The following NOSTRIN variants were observed in gnomAD, a reference collection of about 807,000 sequenced individuals.
The protein encoded by NOSTRIN is BM247 homolog.
NOSTRIN carries 63 observed loss-of-function variants against 59.0 expected under a neutral mutation model. The ratio of observed to expected loss-of-function variants is 1.07; its 90% confidence interval spans 0.87 to 1.32. NOSTRIN has a LOEUF of 1.32. NOSTRIN is among the 40% of genes most tolerant of loss of function. The pLI, the probability that NOSTRIN is intolerant of heterozygous loss-of-function variation, is 0.00. For synonymous variants in NOSTRIN, 200 were observed against 165.4 expected (o/e 1.21, Z -1.61); for missense variants, 512 against 473.1 (o/e 1.08, Z -0.76).
chr2:168,856,802 C>T, intron 12 of NOSTRIN, 24 bp downstream of exon 12: 1 of 1,601,760 alleles, frequency 6.2e-7, no homozygotes, highest in Non-Finnish European at 8.6e-7. Flanking sequence ...GAGTGCATTT[C>T]CTAGATGTAG....
chr2:168,786,708 C>A (rs1161461277), intron 1 of NOSTRIN: 1 of 152,048 alleles, frequency 6.6e-6, no homozygotes, highest in Non-Finnish European at 1.5e-5. Flanking sequence ...CCAGCTTGGC[C>A]CTCCTCGAAG....
At chr2:168,864,028 A>AGTCT (rs1248501854) in intron 15 of NOSTRIN, among the ~76,000 whole-genome samples, 1 of 151,344 alleles carries the variant, frequency 6.6e-6, no homozygotes, top group Non-Finnish European at 1.5e-5. Flanking sequence ...CTCCTGCCTC[A>AGTCT]GTCTCCCAAG....
intron 7 of NOSTRIN, among the ~76,000 whole-genome samples, chr2:168,840,529 C>CAAAAAAAAAAAAAA (rs59235003): frequency 1.0e-5 from 1 of 99,326 alleles, no homozygotes; most frequent in Non-Finnish European, 2.0e-5. Flanking sequence ...GACTCCATCT[C>CAAAAAAAAAAAAAA]AAAAAAAAAA....
upstream of NOSTRIN, among the ~76,000 whole-genome samples, chr2:168,799,939 A>C (rs962593004): frequency 6.6e-6 from 1 of 152,204 alleles, no homozygotes; most frequent in Non-Finnish European, 1.5e-5. Flanking sequence ...TATGAAGTGG[A>C]AGCTCTCCTC....
chr2:168,864,717 A>G lies in NOSTRIN; in HGVS notation c.1385-117A>G, dbSNP rs1689745103. On this transcript the variant is annotated intron_variant, in intron 15 of 15. Transcript: ENST00000317647. ...ATTTGGCTTCATCTGAATCAAGTGC[A>G]GAAAATGACACTACCAAGTAAATCC... The G allele has an allele frequency of 1.0e-5, 12 of 1,186,378 alleles. No homozygotes were observed. In the South Asian group the frequency reaches 1.8e-4, roughly 17 times the overall value. The allele number at this position is 1,186,378 out of a possible 1,614,324, so 73.5% of individuals were successfully genotyped here. A position where few individuals can be genotyped will look rare whatever the true frequency, so the allele number is the denominator to read the frequency against.
At chr2:168,835,497 G>A (rs1687666989) in intron 7 of NOSTRIN, among the ~76,000 whole-genome samples, 1 of 152,198 alleles carries the variant, frequency 6.6e-6, no homozygotes, top group African/African-American at 2.4e-5. Flanking sequence ...CATCAGCTTG[G>A]ACATTTTGCT....
chr2:168,856,523 C>A lies in NOSTRIN; in HGVS notation c.965-167C>A, dbSNP rs775047793. On this transcript the variant is annotated intron_variant, in intron 11 of 15. Coordinates refer to ENST00000317647, the MANE Select transcript of NOSTRIN (RefSeq NM_001039724.4). ...TTGGGAGGCAGAGGTTGCAGTGAGC[C>A]GAGATCGCGCCACTGCACTCCAGCC... 5.0e-6 allele frequency: 3 copies of A among 597,014 alleles called. No individual in the cohort carries two copies. In the African/African-American group the frequency reaches 5.6e-5, roughly 11 times the overall value. 37.0% of individuals were successfully genotyped at this position (597,014 alleles called of 1,614,324 possible).
At chr2:168,861,517 G>A (rs1350861485) in intron 14 of NOSTRIN, among the ~76,000 whole-genome samples, 1 of 151,626 alleles carries the variant, frequency 6.6e-6, no homozygotes, top group African/African-American at 2.4e-5. Flanking sequence ...GTAAAACCAG[G>A]ACATTATGGT....
intron 15 of NOSTRIN, chr2:168,863,631 T>G: frequency 1.0e-6 from 1 of 983,194 alleles, no homozygotes; most frequent in South Asian, 4.7e-5. Context: ...GAATGGGGAG[T>G]TACATTTTGA....
intron 2 of NOSTRIN, among the ~76,000 whole-genome samples, chr2:168,817,700 G>GC (rs1192266951): frequency 6.6e-6 from 1 of 152,170 alleles, no homozygotes; most frequent in Admixed American, 6.5e-5. Context: ...GCCAGAGTGA[G>GC]CCGGGGCTCA....
intron 15 of NOSTRIN, 140 bp from the exon 16 acceptor site, chr2:168,864,694 T>G: frequency 3.6e-6 from 3 of 841,806 alleles, no homozygotes; most frequent in Non-Finnish European, 5.6e-6. Context: ...TTCGATACAT[T>G]TGGCTTCATC....
rs530901856 is a variant in NOSTRIN, at chr2:168,857,147, C to T, written c.1053+369C>T. 4.6e-5 allele frequency among the ~76,000 whole-genome samples: 7 copies of T among 152,272 alleles called. 1 individual carries two copies. The South Asian group carries it at 1.2e-3, about 27-fold the overall frequency. On this transcript the variant is annotated intron_variant, in intron 12 of 15. Transcript: ENST00000317647. ...GATTTAGCTCTGCTGTTTACAGGGA[C>T]CTGGGTCAACTTTAGTTTTCTCATC...
intron 10 of NOSTRIN, among the ~76,000 whole-genome samples, chr2:168,852,734 T>C (rs1404003927): frequency 6.6e-6 from 1 of 152,164 alleles, no homozygotes; most frequent in Non-Finnish European, 1.5e-5. Context: ...TAAACCCTGA[T>C]TGGCTTTCCC....
rs149284256 is a variant in NOSTRIN at position 168,851,395 on chromosome 2, G to A, written c.846G>A (p.Thr282=). ...STENKSEFLL[T]DYFEEDPNSA... is the part of the protein sequence containing the mutation. ...AAAACAAATCTGAGTTCCTGTTAAC[G>A]GATTACTTTGTGAGTATGAAATGGA... Residue 282 remains threonine (T), a synonymous_variant, in exon 10 of 16, where the codon ACG becomes ACA. Coordinates refer to ENST00000317647, the MANE Select transcript of NOSTRIN (RefSeq NM_001039724.4). 78 of 1,610,406 alleles carry A rather than the reference G, an allele frequency of 4.8e-5. 1 individual carries two copies. In the Middle Eastern group the frequency reaches 5.0e-4, roughly 10 times the overall value.
At chr2:168,864,050 C>T (rs1372255105) in intron 15 of NOSTRIN, among the ~76,000 whole-genome samples, 2 of 151,496 alleles carry the variant, frequency 1.3e-5, no homozygotes, top group Non-Finnish European at 2.9e-5. Flanking sequence ...TCACTGCAAC[C>T]TCCGTCTCCT....
In NOSTRIN at chr2:168,864,831, C is replaced by T. The variant is rs747169222; in HGVS notation, c.1385-3C>T. ...ACCCATTTGTCTAACTGTATTTTCA[C>T]AGGTGACATTGTGATTATACACGAG... On this transcript the variant is annotated splice_polypyrimidine_tract_variant and splice_region_variant and intron_variant, in intron 15 of 15. Coordinates refer to ENST00000317647, the MANE Select transcript of NOSTRIN (RefSeq NM_001039724.4). 5.3e-5 allele frequency: 86 copies of T among 1,613,522 alleles called. No individual in the cohort carries two copies. Among genetic ancestry groups the T allele is most frequent in the Non-Finnish European group, 6.5e-5 (77 of 1,179,748 alleles).
At position 168,828,409 on chromosome 2, in the gene NOSTRIN, TTTA is replaced by T. The variant is rs749641687; in HGVS notation, c.261-8_261-6del. 6.9e-6 allele frequency: 6 copies of T among 869,406 alleles called. No homozygotes were observed. In the African/African-American group the frequency reaches 9.8e-5, roughly 14 times the overall value. 53.9% of individuals were successfully genotyped at this position (869,406 alleles called of 1,614,324 possible). On this transcript the variant is annotated splice_region_variant and splice_polypyrimidine_tract_variant and intron_variant, in intron 4 of 15. Transcript: ENST00000317647. ...TATTATGCTTATGTGTCTTTTATGT[TTTA>T]TTTCCAGAAAACTTGGCAAAGCAAT...
intron 3 of NOSTRIN, among the ~76,000 whole-genome samples, chr2:168,825,688 A>G (rs538487599): frequency 1.4e-4 from 21 of 152,324 alleles, no homozygotes; most frequent in African/African-American, 5.1e-4. Context: ...GAAGAAAGAT[A>G]TTGGTATACC....
chr2:168,812,693 T>C lies in NOSTRIN; in HGVS notation c.113+1041T>C, dbSNP rs375028864. On this transcript the variant is annotated intron_variant, in intron 2 of 15. Transcript: ENST00000317647. ...CAAAAGGCAGGAAAATGTGGGAAGG[T>C]AAATATACGGGAAGAGTAAAGTCTG... 3.3e-5 allele frequency among the ~76,000 whole-genome samples: 5 copies of C among 152,194 alleles called. No homozygotes were observed. The East Asian group carries it at 9.7e-4, about 29-fold the overall frequency.
Sources: allele counts gnomAD v4.1 joint callset (sites outside exome capture counted in the v4.1 genomes callset), GRCh38; gene constraint gnomAD v4.1.1; transcripts MANE v1.5; gene names NCBI Gene and HGNC (gene_info 2026-07-23, HGNC 2026-07-21).